Variants in CDK14 observed in about 807,000 individuals in gnomAD.
CDK14 encodes the protein cyclin dependent kinase 14, also known as cyclin-dependent kinase 14.
In CDK14, 34 loss-of-function variants were observed where a neutral mutation model predicts 60.7. That is an observed-to-expected ratio of 0.56 (90% CI 0.43 to 0.75). CDK14 has a LOEUF of 0.75. Ranked by LOEUF, CDK14 falls within the 30% of genes least tolerant of loss-of-function variation. The pLI, the probability that CDK14 is intolerant of heterozygous loss-of-function variation, is 0.00. For synonymous variants in CDK14, 197 were observed against 203.7 expected (o/e 0.97, Z 0.28); for missense variants, 482 against 564.1 (o/e 0.85, Z 1.47).
chr7:91,076,242 C>CAAAAAAAAAAA lies in CDK14; in HGVS notation c.1106-3166_1106-3156dup, dbSNP rs564729987. On this transcript the variant is annotated intron_variant, in intron 11 of 14. Transcript: ENST00000380050. The stretch of plus-strand genomic sequence containing the variant: ...AACTATACTACAGTGCTACAGTAAC[C>CAAAAAAAAAAA]AAAAAAAAAAAAAAAAAAAAAAAAA... Among the ~76,000 whole-genome samples, 15 of 28,800 alleles carry CAAAAAAAAAAA rather than the reference C, an allele frequency of 5.2e-4. 2 individuals are homozygous for CAAAAAAAAAAA. The highest frequency in any genetic ancestry group is 9.0e-4 in the Non-Finnish European group (13 of 14,460). 18.9% of individuals were successfully genotyped at this position (28,800 alleles called of 152,430 possible). A position where few individuals can be genotyped will look rare whatever the true frequency, so the allele number is the denominator to read the frequency against.
intron 7 of CDK14, among the ~76,000 whole-genome samples, chr7:90,907,793 G>A (rs3757814): frequency 2.0e-5 from 3 of 151,758 alleles, no homozygotes; most frequent in Non-Finnish European, 4.4e-5. Context: ...TTCTTTAATA[G>A]ACCAGAGAAC....
intron 11 of CDK14, among the ~76,000 whole-genome samples, chr7:91,059,930 G>A (rs1253337168): frequency 2.0e-5 from 3 of 152,202 alleles, no homozygotes; most frequent in African/African-American, 7.2e-5. Flanking sequence ...TCTGCTTGGT[G>A]CAGAGCTGAG....
intron 14 of CDK14, among the ~76,000 whole-genome samples, chr7:91,203,221 A>G (rs1352105184): frequency 6.6e-6 from 1 of 152,234 alleles, no homozygotes; most frequent in Non-Finnish European, 1.5e-5. Context: ...CAGTGTGTGC[A>G]GTACTGTGCC....
chr7:90,624,426 G>T (rs182625410), intron 2 of CDK14, among the ~76,000 whole-genome samples: 58 of 152,254 alleles, frequency 3.8e-4, no homozygotes, highest in Non-Finnish European at 7.5e-4. Flanking sequence ...TCTATATTCT[G>T]TGTTTCTGTG....
intron 6 of CDK14, among the ~76,000 whole-genome samples, chr7:90,874,463 G>T (rs1791480582): frequency 7.1e-6 from 1 of 140,754 alleles, no homozygotes; most frequent in South Asian, 2.3e-4. Flanking sequence ...TATGCTCATT[G>T]GGTGTACTTT....
intron 2 of CDK14, among the ~76,000 whole-genome samples, chr7:90,666,872 C>G (rs1014730133): frequency 1.3e-5 from 2 of 152,096 alleles, no homozygotes; most frequent in Non-Finnish European, 2.9e-5. Flanking sequence ...CATTTTGTAT[C>G]GCAATCTCTT....
At chr7:90,716,213 A>G (rs1391052756) in intron 2 of CDK14, 2 of 152,006 alleles carry the variant, frequency 1.3e-5, no homozygotes, top group Non-Finnish European at 2.9e-5. Flanking sequence ...ATTTAACTGG[A>G]GTGGGAAATG....
intron 12 of CDK14, among the ~76,000 whole-genome samples, chr7:91,089,097 T>A (rs2116261457): frequency 6.6e-6 from 1 of 152,344 alleles, no homozygotes; most frequent in African/African-American, 2.4e-5. Context: ...AAATCATGTG[T>A]ACTTCTTTAA....
At position 90,928,561 on chromosome 7, in the gene CDK14, A is replaced by C. The variant is rs1440653211; in HGVS notation, c.826+10837A>C. 3.3e-5 allele frequency among the ~76,000 whole-genome samples: 5 copies of C among 151,954 alleles called. No homozygotes were observed. The South Asian group carries it at 1.0e-3, about 32-fold the overall frequency. ...CAAATATTGCAGAACGGCAGATGTT[A>C]CTCCCTGATCTTTCCTCTGGAAGCT... is the stretch of plus-strand genomic sequence containing the variant. On this transcript the variant is annotated intron_variant, in intron 8 of 14. Coordinates refer to ENST00000380050, the MANE Select transcript of CDK14 (RefSeq NM_001287135.2).
chr7:90,838,398 A>G (rs1160537007), intron 5 of CDK14, among the ~76,000 whole-genome samples: 1 of 152,174 alleles, frequency 6.6e-6, no homozygotes. Context: ...ATATGAAATC[A>G]GTGCACCCTG....
At chr7:90,817,780 A>G (rs1046483277) in intron 5 of CDK14, among the ~76,000 whole-genome samples, 8 of 152,236 alleles carry the variant, frequency 5.3e-5, no homozygotes, top group African/African-American at 1.2e-4. Context: ...GTAAGCCGTT[A>G]GGAAGCAGTT....
intron 9 of CDK14, among the ~76,000 whole-genome samples, chr7:90,963,292 T>C (rs996784389): frequency 3.3e-5 from 5 of 151,822 alleles, no homozygotes; most frequent in East Asian, 1.9e-4. Context: ...CATGGTAGAG[T>C]GTGCCTATAG....
At chr7:90,668,238 ATTTT>A (rs1399036909) in intron 2 of CDK14, among the ~76,000 whole-genome samples, 1 of 151,986 alleles carries the variant, frequency 6.6e-6, no homozygotes, top group Non-Finnish European at 1.5e-5. Context: ...TGTCTTTGTG[ATTTT>A]TATTTGTGTT....
At chr7:90,635,861 G>A (rs1387928425) in intron 2 of CDK14, among the ~76,000 whole-genome samples, 1 of 151,786 alleles carries the variant, frequency 6.6e-6, no homozygotes, top group Non-Finnish European at 1.5e-5. Context: ...TCCCTTGTAA[G>A]TTGGATTCCT....
intron 4 of CDK14, among the ~76,000 whole-genome samples, chr7:90,748,864 C>T (rs781116472): frequency 6.6e-6 from 1 of 152,192 alleles, no homozygotes; most frequent in Non-Finnish European, 1.5e-5. Flanking sequence ...GTTGGGATTA[C>T]AGGCATGAAC....
At chr7:90,851,401 T>C (rs771419716) in intron 5 of CDK14, among the ~76,000 whole-genome samples, 2 of 152,116 alleles carry the variant, frequency 1.3e-5, no homozygotes, top group African/African-American at 2.4e-5. Flanking sequence ...TGAAAACTTA[T>C]TAGAAAGGGA....
At chr7:90,640,595 A>T (rs1333636435) in intron 2 of CDK14, among the ~76,000 whole-genome samples, 2 of 152,082 alleles carry the variant, frequency 1.3e-5, no homozygotes, top group African/African-American at 4.8e-5. Context: ...TATGTTTTAT[A>T]TGGATTATGG....
At chr7:91,017,634 G>A (rs73230803) in intron 10 of CDK14, among the ~76,000 whole-genome samples, 1 of 152,240 alleles carries the variant, frequency 6.6e-6, no homozygotes, top group Non-Finnish European at 1.5e-5. Flanking sequence ...TACTTCAGAT[G>A]GTCGATAGGT....
intron 12 of CDK14, among the ~76,000 whole-genome samples, chr7:91,082,215 G>A (rs1030829583): frequency 6.6e-6 from 1 of 152,198 alleles, no homozygotes; most frequent in Non-Finnish European, 1.5e-5. Flanking sequence ...ATGCTCTCCA[G>A]CAAAGTTAAG....
Sources: gnomAD v4.1 joint callset for allele counts (sites outside exome capture counted in the v4.1 genomes callset) on GRCh38, gnomAD v4.1.1 for gene constraint, MANE v1.5 for transcripts, NCBI Gene and HGNC (gene_info 2026-07-23, HGNC 2026-07-21) for gene names.